CRISPLD2: variants seen among roughly 807,000 people sequenced by gnomAD.
The protein encoded by CRISPLD2 is cysteine rich secretory protein LCCL domain containing 2, also known as cysteine-rich secretory protein LCCL domain-containing 2.
A neutral mutation model predicts 71.1 loss-of-function variants in CRISPLD2; 47 were observed. That is an observed-to-expected ratio of 0.66 (90% CI 0.52 to 0.84). CRISPLD2 has a LOEUF of 0.84. CRISPLD2 is among the 40% of genes least tolerant of loss of function. CRISPLD2 has a pLI of 0.00. For missense variants in CRISPLD2, 830 were observed against 651.1 expected, an observed-to-expected ratio of 1.27 and a Z score of -2.99; for synonymous variants, 317 against 250.1, an observed-to-expected ratio of 1.27 and a Z score of -2.52.
At chr16:84,868,999 G>A in intron 8 of CRISPLD2, 88 bp downstream of exon 8, 1 of 1,135,952 alleles carries the variant, frequency 8.8e-7, no homozygotes, top group Non-Finnish European at 1.3e-6. Flanking sequence ...CCTATGCTGG[G>A]CTGTCCTGCT....
chr16:84,864,496 C>G (rs1917481891), intron 6 of CRISPLD2, among the ~76,000 whole-genome samples: 1 of 152,218 alleles, frequency 6.6e-6, no homozygotes. Context: ...CCTGAATAGC[C>G]TCATTGACGG....
intron 12 of CRISPLD2, among the ~76,000 whole-genome samples, chr16:84,879,018 A>C (rs936730867): frequency 1.3e-5 from 2 of 152,106 alleles, no homozygotes; most frequent in African/African-American, 4.8e-5. Flanking sequence ...TCTCCAAGGG[A>C]CAATAGGTGG....
intron 11 of CRISPLD2, among the ~76,000 whole-genome samples, chr16:84,874,594 C>T (rs1219462042): frequency 6.6e-6 from 1 of 152,226 alleles, no homozygotes; most frequent in African/African-American, 2.4e-5. Flanking sequence ...AGCTTCCTCC[C>T]CGGAGCTCTG....
chr16:84,892,904 A>C (rs2071674875), intron 14 of CRISPLD2, among the ~76,000 whole-genome samples: 1 of 139,300 alleles, frequency 7.2e-6, no homozygotes, highest in East Asian at 2.2e-4. Flanking sequence ...TGAAACCAGG[A>C]GGCGGAGGTT....
chr16:84,885,742 A>C lies in CRISPLD2; in HGVS notation c.1306-3488A>C, dbSNP rs58546046. 1.9e-3 allele frequency among the ~76,000 whole-genome samples: 291 copies of C among 151,108 alleles called. 1 individual carries two copies. The highest frequency in any genetic ancestry group is 6.6e-3 in the African/African-American group (270 of 41,142). ...TGATATGAATGTGTGTTTTGGCTCC[A>C]CTTTTCTCTTTTGTTTTTTATTTTT... On this transcript the variant is annotated intron_variant, in intron 13 of 14. Coordinates refer to ENST00000262424, the MANE Select transcript of CRISPLD2 (RefSeq NM_031476.4).
chr16:84,865,440 G>A (rs1294433734), intron 6 of CRISPLD2, among the ~76,000 whole-genome samples: 1 of 152,208 alleles, frequency 6.6e-6, no homozygotes, highest in African/African-American at 2.4e-5. Context: ...ACAGGTATGA[G>A]CCACCACACC....
intron 8 of CRISPLD2, among the ~76,000 whole-genome samples, chr16:84,871,653 GT>G (rs995698148): frequency 3.3e-5 from 5 of 152,070 alleles, no homozygotes; most frequent in Non-Finnish European, 7.4e-5. Flanking sequence ...CAGGGTTCAA[GT>G]GACTTTCCTG....
chr16:84,853,645 C>T (rs897081514), intron 5 of CRISPLD2, among the ~76,000 whole-genome samples: 2 of 152,198 alleles, frequency 1.3e-5, no homozygotes, highest in Admixed American at 6.5e-5. Flanking sequence ...TGCCGTTTGT[C>T]TTTGGCCAGC....
chr16:84,889,512 CTTCTT>C, intron 14 of CRISPLD2, 149 bp downstream of exon 14: 1 of 693,256 alleles, frequency 1.4e-6, no homozygotes. Context: ...AGGTAAGAGA[CTTCTT>C]TGCTTTTCTC....
intron 6 of CRISPLD2, among the ~76,000 whole-genome samples, chr16:84,859,846 G>A (rs1405268353): frequency 1.3e-5 from 2 of 152,298 alleles, no homozygotes; most frequent in African/African-American, 4.8e-5. Flanking sequence ...CTGCCACTTG[G>A]CCCCTGCCAC....
chr16:84,858,907 C>G (rs762091596), intron 6 of CRISPLD2, among the ~76,000 whole-genome samples: 12 of 152,168 alleles, frequency 7.9e-5, no homozygotes, highest in Non-Finnish European at 1.6e-4. Flanking sequence ...GGAGTCACCA[C>G]TTGGTTAAGC....
chr16:84,898,795 C>G (rs962963977), intron 14 of CRISPLD2, among the ~76,000 whole-genome samples: 4 of 152,166 alleles, frequency 2.6e-5, no homozygotes, highest in African/African-American at 9.7e-5. Flanking sequence ...CTGAGTTGAG[C>G]AATTGGTTCA....
chr16:84,820,686 C>G (rs567132906), intron 1 of CRISPLD2, among the ~76,000 whole-genome samples: 7 of 152,128 alleles, frequency 4.6e-5, no homozygotes, highest in Admixed American at 3.9e-4. Context: ...GTAAGTTGTC[C>G]GGGCAGAGCC....
At chr16:84,858,137 C>G (rs896625456) in intron 6 of CRISPLD2, among the ~76,000 whole-genome samples, 3 of 152,192 alleles carry the variant, frequency 2.0e-5, no homozygotes, top group African/African-American at 7.2e-5. Context: ...CCTATGGGAG[C>G]CTGCCAGAGG....
At chr16:84,903,192 G>C (rs1018714614) in intron 14 of CRISPLD2, among the ~76,000 whole-genome samples, 1 of 152,120 alleles carries the variant, frequency 6.6e-6, no homozygotes, top group African/African-American at 2.4e-5. Context: ...TCAATTTAAT[G>C]CTCCCCTCCT....
chr16:84,879,049 G>C (rs182513785), intron 12 of CRISPLD2, among the ~76,000 whole-genome samples: 1 of 152,162 alleles, frequency 6.6e-6, no homozygotes. Flanking sequence ...GTTCCGAGCA[G>C]GGAAAGGCCC....
At chr16:84,839,175 C>A (rs1216712723) in intron 2 of CRISPLD2, 1 of 349,736 alleles carries the variant, frequency 2.9e-6, no homozygotes, top group African/African-American at 2.2e-5. Flanking sequence ...GCATGAGTCA[C>A]CCTGTCTGGC....
chr16:84,887,951 A>G (rs1358577546), intron 13 of CRISPLD2, among the ~76,000 whole-genome samples: 3 of 152,130 alleles, frequency 2.0e-5, no homozygotes, highest in Admixed American at 2.0e-4. Context: ...AGATCGCTAG[A>G]TCCACCCACA....
intron 1 of CRISPLD2, among the ~76,000 whole-genome samples, chr16:84,823,695 G>A (rs570463167): frequency 6.6e-6 from 1 of 152,190 alleles, no homozygotes; most frequent in African/African-American, 2.4e-5. Flanking sequence ...GGACATCATG[G>A]TCCAGCCCGA....
Sources: gnomAD v4.1 joint callset for allele counts (sites outside exome capture counted in the v4.1 genomes callset) on GRCh38, gnomAD v4.1.1 for gene constraint, MANE v1.5 for transcripts, NCBI Gene and HGNC (gene_info 2026-07-23, HGNC 2026-07-21) for gene names.